Variants in MDGA2 observed in about 807,000 individuals in gnomAD.
MDGA2 encodes the protein MAM domain-containing glycosylphosphatidylinositol anchor protein 2.
In MDGA2, 40 loss-of-function variants were observed where a neutral mutation model predicts 117.8. The observed-to-expected ratio is 0.34, with a 90% CI of 0.26 to 0.44. The LOEUF is 0.44. Among genes scored for constraint, MDGA2 ranks in the 20% least tolerant of loss-of-function variants. The pLI is 1.00. For synonymous variants in MDGA2, 452 were observed against 439.0 expected, an observed-to-expected ratio of 1.03 and a Z score of -0.37; for missense variants, 1,123 against 1,250.6, an observed-to-expected ratio of 0.90 and a Z score of 1.54.
chr14:47,268,893 A>G (rs1161106426), intron 2 of MDGA2, among the ~76,000 whole-genome samples: 10 of 152,124 alleles, frequency 6.6e-5, no homozygotes, highest in Non-Finnish European at 1.5e-4. Flanking sequence ...ATAGAATAAT[A>G]GCAAAATATG....
Position 47,162,895 on chromosome 14 carries a change from G to A in MDGA2, c.596-18621C>T, listed in dbSNP as rs577288740. On this transcript the variant is annotated intron_variant, in intron 3 of 16. Transcript: ENST00000399232. ...TTTTCAGTATCACCAAATCTAGCAC[G>A]TATATGTGTATGTATGTGCACATGC... 1.6e-4 allele frequency among the ~76,000 whole-genome samples: 25 copies of A among 152,258 alleles called. 1 individual carries two copies. Among genetic ancestry groups the A allele is most frequent in the African/African-American group, 3.9e-4 (16 of 41,538 alleles).
chr14:46,997,948 CTTTAAG>C (rs1004683902), intron 8 of MDGA2, among the ~76,000 whole-genome samples: 30 of 151,988 alleles, frequency 2.0e-4, no homozygotes, highest in Admixed American at 4.6e-4. Context: ...TCTGTAGACA[CTTTAAG>C]TTTAAAGGCC....
intron 2 of MDGA2, among the ~76,000 whole-genome samples, chr14:47,219,520 G>C (rs901558600): frequency 4.6e-5 from 7 of 151,904 alleles, no homozygotes; most frequent in African/African-American, 1.7e-4. Flanking sequence ...AAGAAGAAAA[G>C]GAGAAATTTG....
At chr14:46,867,869 T>G (rs1013774970) in intron 14 of MDGA2, among the ~76,000 whole-genome samples, 1 of 151,996 alleles carries the variant, frequency 6.6e-6, no homozygotes. Flanking sequence ...TTTACTTTAG[T>G]TGCCAGAGCA....
intron 1 of MDGA2, among the ~76,000 whole-genome samples, chr14:47,493,233 A>T (rs1894209669): frequency 6.6e-6 from 1 of 150,834 alleles, no homozygotes; most frequent in South Asian, 2.1e-4. Context: ...AGACATGTAC[A>T]ATATTATTAA....
chr14:47,270,242 T>G (rs1461848153), intron 2 of MDGA2, among the ~76,000 whole-genome samples: 2 of 152,130 alleles, frequency 1.3e-5, no homozygotes, highest in East Asian at 3.9e-4. Context: ...AAAAAGGTAA[T>G]GTGATTTTTT....
intron 6 of MDGA2, among the ~76,000 whole-genome samples, chr14:47,064,917 C>G (rs1227908161): frequency 1.3e-5 from 2 of 152,100 alleles, no homozygotes; most frequent in African/African-American, 4.8e-5. Flanking sequence ...TGGAGTATAA[C>G]AGAGGTCCAA....
At chr14:47,383,192 C>T (rs376219416) in intron 1 of MDGA2, among the ~76,000 whole-genome samples, 6 of 151,728 alleles carry the variant, frequency 4.0e-5, no homozygotes, top group Admixed American at 6.6e-5. Flanking sequence ...TATCACACAC[C>T]GGAGCCTGTC....
At chr14:47,098,338 C>T (rs1199763243) in intron 5 of MDGA2, among the ~76,000 whole-genome samples, 3 of 149,912 alleles carry the variant, frequency 2.0e-5, no homozygotes, top group Non-Finnish European at 3.0e-5. Flanking sequence ...ACATGAAGTG[C>T]CTGTATGACC....
chr14:47,302,838 T>C (rs1226513984), intron 1 of MDGA2, among the ~76,000 whole-genome samples: 1 of 152,158 alleles, frequency 6.6e-6, no homozygotes, highest in East Asian at 1.9e-4. Context: ...TTGTATTTCA[T>C]TATCTTTCTC....
intron 1 of MDGA2, among the ~76,000 whole-genome samples, chr14:47,308,009 A>G (rs1961803): frequency 0.96 from 145,446 of 152,248 alleles, 69,495 homozygotes; most frequent in East Asian, 1. Flanking sequence ...GAAGTTACAT[A>G]AGTAGACAGC....
At chr14:47,310,252 A>T (rs1566732615) in intron 1 of MDGA2, among the ~76,000 whole-genome samples, 1 of 152,148 alleles carries the variant, frequency 6.6e-6, no homozygotes, top group Non-Finnish European at 1.5e-5. Context: ...AGTTACACTG[A>T]ATCTAAGGTT....
intron 2 of MDGA2, among the ~76,000 whole-genome samples, chr14:47,233,412 C>T (rs538443616): frequency 9.9e-5 from 15 of 152,186 alleles, no homozygotes; most frequent in East Asian, 3.9e-4. Flanking sequence ...TCTCCTTACG[C>T]GCTTAGTTTT....
intron 2 of MDGA2, among the ~76,000 whole-genome samples, chr14:47,283,230 G>A (rs1213512295): frequency 2.0e-5 from 3 of 152,080 alleles, no homozygotes; most frequent in Non-Finnish European, 4.4e-5. Context: ...GCAATAAGTT[G>A]GTAGATGAGG....
intron 7 of MDGA2, among the ~76,000 whole-genome samples, chr14:47,040,056 A>T (rs1889007740): frequency 1.3e-5 from 2 of 152,104 alleles, no homozygotes; most frequent in South Asian, 4.1e-4. Context: ...TTTTAAAAAA[A>T]TTTTCAATGA....
At chr14:47,632,890 G>A (rs1897263985) in intron 1 of MDGA2, among the ~76,000 whole-genome samples, 1 of 151,770 alleles carries the variant, frequency 6.6e-6, no homozygotes, top group South Asian at 2.1e-4. Context: ...TTTGAACTGG[G>A]ACTCTATCAT....
chr14:47,318,742 C>A (rs1434463102), intron 1 of MDGA2, among the ~76,000 whole-genome samples: 1 of 144,312 alleles, frequency 6.9e-6, no homozygotes, highest in African/African-American at 2.6e-5. Context: ...AATGGCCTAT[C>A]TAGATCTGTA....
At chr14:46,993,544 C>T (rs1375902032) in intron 8 of MDGA2, among the ~76,000 whole-genome samples, 2 of 151,952 alleles carry the variant, frequency 1.3e-5, no homozygotes, top group South Asian at 2.1e-4. Flanking sequence ...TCACTACAAC[C>T]TATGCCTCCC....
Position 47,270,428 on chromosome 14 carries a change from T to C in MDGA2, c.420+30983A>G, listed in dbSNP as rs566561693. Reference sequence around the variant, plus strand: ...ATGTGGGTAATATTTGTATATGCCATGTAAGAACTCGGAGAGAAAGTAGTT... The same window carrying C: ...ATGTGGGTAATATTTGTATATGCCACGTAAGAACTCGGAGAGAAAGTAGTT... On this transcript the variant is annotated intron_variant, in intron 2 of 16. Coordinates refer to ENST00000399232, the MANE Select transcript of MDGA2 (RefSeq NM_001113498.3). Among the ~76,000 whole-genome samples the C allele has an allele frequency of 3.3e-5, 5 of 152,276 alleles. No individual in the cohort carries two copies. The South Asian group carries it at 1.0e-3, about 32-fold the overall frequency.
Sources: allele counts gnomAD v4.1 joint callset (sites outside exome capture counted in the v4.1 genomes callset), GRCh38; gene constraint gnomAD v4.1.1; transcripts MANE v1.5; gene names NCBI Gene and HGNC (gene_info 2026-07-23, HGNC 2026-07-21).